The following KAT5 variants were observed in gnomAD, a reference collection of about 807,000 sequenced individuals.
KAT5 encodes the protein lysine acetyltransferase 5.
KAT5 carries 31 observed loss-of-function variants against 68.1 expected under a neutral mutation model. That is an observed-to-expected ratio of 0.46 (90% CI 0.34 to 0.61). KAT5 has a LOEUF of 0.61. KAT5 is among the 20% of genes least tolerant of loss of function. The pLI, the probability that KAT5 is intolerant of heterozygous loss-of-function variation, is 0.01. For synonymous variants in KAT5, 365 were observed against 292.6 expected (o/e 1.25, Z -2.52); for missense variants, 451 against 725.5 (o/e 0.62, Z 4.35).
In KAT5 at chr11:65,712,804, C is replaced by T; in HGVS notation, c.217C>T (p.Arg73Trp). The T allele has an allele frequency of 6.2e-7, 1 of 1,614,048 alleles. No individual in the cohort carries two copies. The highest frequency in any genetic ancestry group is 8.5e-7 in the Non-Finnish European group (1 of 1,180,002). The change falls in exon 2 of 13, where the codon CGG (arginine) becomes TGG (tryptophan). Residue 73 changes from arginine to tryptophan, a missense_variant. Physicochemically the swap from Arg to Trp is moderately radical, Grantham distance 101. Transcript: ENST00000341318. ...CCTGAGCGTGAAGGACATCAGTGGC[C>T]GGAAGCTTTTCTACGTCCATTACAT... ...EILSVKDISG[R>W]KLFYVHYIDF...
rs568311009 is a variant in KAT5 at position 65,718,398 on chromosome 11, C to T, written c.1265-192C>T. On this transcript the variant is annotated intron_variant, in intron 10 of 12. Coordinates refer to ENST00000341318, the MANE Select transcript of KAT5 (RefSeq NM_182710.3). ...GTGCCCTCATGCCCTCCACTGTGCT[C>T]AGCGCACGGAAAGAGTGAATACTCA... 7.4e-5 allele frequency: 46 copies of T among 620,414 alleles called. No individual in the cohort carries two copies. The South Asian group carries it at 7.7e-4, about 10-fold the overall frequency. The allele number at this position is 620,414 out of a possible 1,614,324, so 38.4% of individuals were successfully genotyped here.
At position 65,713,513 on chromosome 11, in the gene KAT5, G is replaced by C. The variant is rs1443542065; in HGVS notation, c.540+10G>C. The C allele has an allele frequency of 6.2e-7, 1 of 1,614,040 alleles. No individual in the cohort carries two copies. The highest frequency in any genetic ancestry group is 1.3e-5 in the African/African-American group (1 of 74,930). ...CAACCACCGCTCAACGGTACCCTCA[G>C]CAATTCCAGGGACCTTGCTTTCTTC... On this transcript the variant is annotated intron_variant, in intron 4 of 12. Transcript: ENST00000341318.
In KAT5 at chr11:65,712,285, T is replaced by G; in HGVS notation, c.18T>G (p.Ser6Arg). ...GAGGGAAGATGGCGGAGGTGGTGAG[T>G]CCGGTGCCCGGGGCGGGGCGGAGGG... is the stretch of plus-strand genomic sequence containing the variant. The part of the protein sequence containing the change: MAEVV[S>R]PVPGAGRREP... Residue 6 changes from serine (S) to arginine (R), a missense_variant, in exon 1 of 13, where the codon AGT (serine) becomes AGG (arginine). Physicochemically the swap from Ser to Arg is moderately radical, Grantham distance 110. This residue lies in a region of KAT5 where 104 missense variants were observed against 107.3 expected (regional missense o/e 0.97). Coordinates refer to ENST00000341318, the MANE Select transcript of KAT5 (RefSeq NM_182710.3). 2.8e-6 allele frequency: 4 copies of G among 1,435,122 alleles called. No homozygotes were observed. Among genetic ancestry groups the G allele is most frequent in the Non-Finnish European group, 3.7e-6 (4 of 1,095,434 alleles). The allele number at this position is 1,435,122 out of a possible 1,614,324, so 88.9% of individuals were successfully genotyped here.
chr11:65,712,495 GAGTC>G, intron 1 of KAT5, 50 bp downstream of exon 1: 1 of 1,551,320 alleles, frequency 6.4e-7, no homozygotes, highest in Non-Finnish European at 8.7e-7. Flanking sequence ...CGAGGGGCGG[GAGTC>G]AACTGAAATC....
Position 65,719,162 on chromosome 11 carries a change from G to C in KAT5, c.1622G>C (p.Ser541Thr). The stretch of plus-strand genomic sequence containing the variant: ...CTGCACTTCACTCCCAAGGACTGGA[G>C]CAAGAGGGGGAAGTGGTGACCAGAC... ...KCLHFTPKDW[S>T]KRGKW Residue 541 changes from serine (S) to threonine (T), a missense_variant, in exon 13 of 13, where the codon AGC (serine) becomes ACC (threonine). Around this residue, in one of 4 missense-constraint regions of KAT5, gnomAD observed 210 missense variants for 423.7 expected, o/e 0.50. Transcript: ENST00000341318. 4 of 1,614,092 alleles carry C rather than the reference G, an allele frequency of 2.5e-6. No homozygotes were observed. The highest frequency in any genetic ancestry group is 3.4e-6 in the Non-Finnish European group (4 of 1,180,014).
intron 4 of KAT5, 25 bp downstream of exon 4, chr11:65,713,528 T>G: frequency 6.2e-7 from 1 of 1,614,120 alleles, no homozygotes; most frequent in Non-Finnish European, 8.5e-7. Context: ...TCCAGGGACC[T>G]TGCTTTCTTC....
chr11:65,719,079 C>A lies in KAT5; in HGVS notation c.1539C>A (p.Ile513=), dbSNP rs773165524. 1.4e-5 allele frequency: 22 copies of A among 1,614,048 alleles called. No individual in the cohort carries two copies. The highest frequency in any genetic ancestry group is 2.7e-5 in the African/African-American group (2 of 74,930). Reference sequence around the variant, plus strand: ...ACATCCTCACACTGTCAGAGGACATCGTGGATGGCCATGAGCGGGCCATGC... The same window carrying A: ...ACATCCTCACACTGTCAGAGGACATAGTGGATGGCCATGAGCGGGCCATGC... The part of the protein sequence containing the change: ...GQYILTLSED[I]VDGHERAMLK... The change falls in exon 13 of 13, where the codon ATC becomes ATA. Residue 513 remains isoleucine (I), a synonymous_variant. Transcript: ENST00000341318.
chr11:65,718,546 C>G (rs1235253878), intron 10 of KAT5, 44 bp from the exon 11 acceptor site: 1 of 1,584,632 alleles, frequency 6.3e-7, no homozygotes, highest in Non-Finnish European at 8.6e-7. Flanking sequence ...TGCTTATGTT[C>G]ATCTGTGACC....
intron 8 of KAT5, 85 bp downstream of exon 8, chr11:65,714,995 A>G: frequency 1.7e-6 from 2 of 1,189,766 alleles, no homozygotes; most frequent in Non-Finnish European, 1.2e-6. Flanking sequence ...CAGTCAAGCC[A>G]GCAGATCAGT....
At position 65,712,819 on chromosome 11, in the gene KAT5, G is replaced by A. The variant is rs1218712593; in HGVS notation, c.232G>A (p.Val78Ile). ...KDISGRKLFYVHYIDFNKRLD... is the reference protein window; with the variant it reads ...KDISGRKLFYIHYIDFNKRLD... ...CATCAGTGGCCGGAAGCTTTTCTAC[G>A]TCCATTACATTGACTGTGAGTTCTG... Residue 78 changes from valine to isoleucine, a missense_variant, in exon 2 of 13, where the codon GTC (valine) becomes ATC (isoleucine). Around this residue, in one of 4 missense-constraint regions of KAT5, gnomAD observed 2 missense variants for 21.1 expected, o/e 0.09. Transcript: ENST00000341318. 40 of 1,614,108 alleles carry A rather than the reference G, an allele frequency of 2.5e-5. No individual in the cohort carries two copies. The highest frequency in any genetic ancestry group is 3.0e-5 in the Non-Finnish European group (35 of 1,180,014).
At chr11:65,712,134 C>T (rs1857037062), upstream of KAT5, 5 of 862,514 alleles carry the variant, frequency 5.8e-6, no homozygotes, top group Non-Finnish European at 8.3e-6. Flanking sequence ...CAGTCTTGCC[C>T]CTCGCAGCTG....
chr11:65,712,495 G>T (rs1284286307), intron 1 of KAT5, 50 bp downstream of exon 1: 13 of 1,551,202 alleles, frequency 8.4e-6, no homozygotes, highest in South Asian at 1.2e-5. Flanking sequence ...CGAGGGGCGG[G>T]AGTCAACTGA....
chr11:65,718,564 C>T (rs1230068825), intron 10 of KAT5, 26 bp from the exon 11 acceptor site: 9 of 1,602,090 alleles, frequency 5.6e-6, no homozygotes, highest in East Asian at 2.2e-5. Context: ...ACCTCTTACT[C>T]ACCCTCTCCT....
intron 6 of KAT5, 146 bp downstream of exon 6, chr11:65,713,994 T>G (rs487264): frequency 0.89 from 662,608 of 743,570 alleles, 296,456 homozygotes; most frequent in Non-Finnish European, 0.92. Flanking sequence ...GGCAGAACAT[T>G]GTTCAAATGA....
intron 10 of KAT5, chr11:65,717,219 C>G (rs1857227827): frequency 1.7e-6 from 1 of 583,530 alleles, no homozygotes; most frequent in South Asian, 2.0e-5. Flanking sequence ...CTAAGTGCCA[C>G]TCAGCTTTCC....
In KAT5 at chr11:65,713,762, C is replaced by T; in HGVS notation, c.616-12C>T. 1 of 1,613,432 alleles carries T rather than the reference C, an allele frequency of 6.2e-7. No individual in the cohort carries two copies. Among genetic ancestry groups the T allele is most frequent in the South Asian group, 1.1e-5 (1 of 90,966 alleles). On this transcript the variant is annotated splice_polypyrimidine_tract_variant and intron_variant, in intron 5 of 12. Coordinates refer to ENST00000341318, the MANE Select transcript of KAT5 (RefSeq NM_182710.3). ...TTCACAGCCATCCCTTCTTTTCCTA[C>T]TATCTCGGCAGAATGGAGCCGCCCG...
chr11:65,719,248 A>C lies in KAT5; in HGVS notation c.*67A>C. On this transcript the variant is annotated 3_prime_UTR_variant, in exon 13 of 13. Transcript: ENST00000341318. ...GGGGCTGATAGCCCACCCCGCCCCC[A>C]CTGCAGCTCCCACAAAGCACTCTAA... The C allele has an allele frequency of 6.4e-7, 1 of 1,563,534 alleles. No individual in the cohort carries two copies. The highest frequency in any genetic ancestry group is 8.7e-7 in the Non-Finnish European group (1 of 1,148,914).
Position 65,718,162 on chromosome 11 carries a change from T to C in KAT5, c.1265-428T>C, listed in dbSNP as rs373799308. ...CAGGTGACACTCCCAAGGTCCCAGC[T>C]AGGAGGACTTTGAGAATTCAAGCAT... On this transcript the variant is annotated intron_variant, in intron 10 of 12. Coordinates refer to ENST00000341318, the MANE Select transcript of KAT5 (RefSeq NM_182710.3). 1.5e-3 allele frequency: 236 copies of C among 160,854 alleles called. 4 individuals are homozygous for C. The South Asian group carries it at 0.04, about 27-fold the overall frequency. 10.0% of individuals were successfully genotyped at this position (160,854 alleles called of 1,614,324 possible). A position where few individuals can be genotyped will look rare whatever the true frequency, so the allele number is the denominator to read the frequency against.
At chr11:65,717,231 C>A in intron 10 of KAT5, 1 of 576,616 alleles carries the variant, frequency 1.7e-6, no homozygotes, top group Non-Finnish European at 3.1e-6. Flanking sequence ...CAGCTTTCCC[C>A]AAATCTGACT....
Sources: gnomAD v4.1 joint callset for allele counts on GRCh38, gnomAD v4.1.1 for gene constraint, gnomAD v4.1.1 regional missense constraint, MANE v1.5 for transcripts, NCBI Gene and HGNC (gene_info 2026-07-23, HGNC 2026-07-21) for gene names.